The following ERBB4 variants were observed in gnomAD, a reference collection of about 807,000 sequenced individuals.
ERBB4 encodes receptor tyrosine-protein kinase erbB-4.
ERBB4 carries 42 observed loss-of-function variants against 158.0 expected under a neutral mutation model. That is an observed-to-expected ratio of 0.27 (90% CI 0.21 to 0.34). ERBB4 has a LOEUF of 0.34. ERBB4 is among the 10% of genes least tolerant of loss of function. ERBB4 has a pLI of 1.00. For synonymous variants in ERBB4, 583 were observed against 558.7 expected, an observed-to-expected ratio of 1.04 and a Z score of -0.61; for missense variants, 1,333 against 1,624.1, an observed-to-expected ratio of 0.82 and a Z score of 3.08.
intron 14 of ERBB4, among the ~76,000 whole-genome samples, chr2:211,669,238 AG>A (rs368898736): frequency 4.5e-5 from 6 of 133,904 alleles, no homozygotes; most frequent in Non-Finnish European, 6.7e-5. Flanking sequence ...AAAAAAAAAA[AG>A]AAAAAAGAAA....
rs564227050 is a variant in ERBB4, at chr2:211,409,919, C to T, written c.3135+10522G>A. On this transcript the variant is annotated intron_variant, in intron 25 of 27. Transcript: ENST00000342788. ...GGTCCCTTGCAACTCTGACACTCCG[C>T]GAGTACATAGTTACTTATGCATCCA... 7.9e-5 allele frequency among the ~76,000 whole-genome samples: 12 copies of T among 152,254 alleles called. 1 individual carries two copies. The highest frequency in any genetic ancestry group is 1.9e-4 in the African/African-American group (8 of 41,546).
chr2:211,741,452 T>TACACATAC (rs1553622688), intron 5 of ERBB4, among the ~76,000 whole-genome samples: 1 of 143,210 alleles, frequency 7.0e-6, no homozygotes, highest in Non-Finnish European at 1.5e-5. Context: ...TATGTAGTTA[T>TACACATAC]ACACACACAC....
At chr2:212,403,368 CT>C (rs2091262157) in intron 1 of ERBB4, among the ~76,000 whole-genome samples, 1 of 151,990 alleles carries the variant, frequency 6.6e-6, no homozygotes, top group South Asian at 2.1e-4. Context: ...AAAAATAGAA[CT>C]ACATACCAGC....
intron 20 of ERBB4, among the ~76,000 whole-genome samples, chr2:211,473,848 G>T (rs1036314784): frequency 3.9e-5 from 6 of 152,084 alleles, no homozygotes; most frequent in African/African-American, 1.4e-4. Flanking sequence ...GAGTAAGATG[G>T]TATATAAATA....
In ERBB4 at chr2:211,908,763, G is replaced by GAGGCAATTGT. The variant is rs1391823204; in HGVS notation, c.421+38657_421+38666dup. On this transcript the variant is annotated intron_variant, in intron 3 of 27. Coordinates refer to ENST00000342788, the MANE Select transcript of ERBB4 (RefSeq NM_005235.3). Reference sequence around the variant, plus strand: ...CTCACCAATAAGTGATAAAAATGCAGAGGCAATTGTAGTACAAACATGAAG... The same window carrying GAGGCAATTGT: ...CTCACCAATAAGTGATAAAAATGCAGAGGCAATTGTAGGCAATTGTAGTACAAACATGAAG... Among the ~76,000 whole-genome samples, 223 of 151,874 alleles carry GAGGCAATTGT rather than the reference G, an allele frequency of 1.5e-3. 1 individual carries two copies. Among genetic ancestry groups the GAGGCAATTGT allele is most frequent in the African/African-American group, 5.0e-3 (209 of 41,552 alleles).
At chr2:211,440,406 A>T (rs2063947829) in intron 20 of ERBB4, among the ~76,000 whole-genome samples, 1 of 152,202 alleles carries the variant, frequency 6.6e-6, no homozygotes, top group Non-Finnish European at 1.5e-5. Flanking sequence ...GCAACCTATT[A>T]ATACAGCAAC....
In ERBB4 at chr2:212,391,765, TTA is replaced by T. The variant is rs1194436403; in HGVS notation, c.82+146682_82+146683del. On this transcript the variant is annotated intron_variant, in intron 1 of 27. Transcript: ENST00000342788. Reference sequence around the variant, plus strand: ...ATATTATATATAATATTGACATATATTATATATATGTCAATATATTATATTGA... The same window carrying T: ...ATATTATATATAATATTGACATATATTATATATGTCAATATATTATATTGA... 2.1e-5 allele frequency among the ~76,000 whole-genome samples: 3 copies of T among 143,700 alleles called. No homozygotes were observed. In the East Asian group the frequency reaches 5.9e-4, roughly 28 times the overall value. The allele number at this position is 143,700 out of a possible 152,430, so 94.3% of individuals were successfully genotyped here. A position where few individuals can be genotyped will look rare whatever the true frequency, so the allele number is the denominator to read the frequency against.
chr2:211,603,243 A>C (rs1255037938), intron 19 of ERBB4, among the ~76,000 whole-genome samples: 4 of 152,242 alleles, frequency 2.6e-5, no homozygotes, highest in African/African-American at 9.6e-5. Flanking sequence ...TAAATAAATA[A>C]ATAAATAAAG....
chr2:211,567,503 T>C lies in ERBB4; in HGVS notation c.2302-5415A>G, dbSNP rs935057502. 2.6e-5 allele frequency among the ~76,000 whole-genome samples: 4 copies of C among 152,162 alleles called. 1 individual carries two copies. On this transcript the variant is annotated intron_variant, in intron 19 of 27. Coordinates refer to ENST00000342788, the MANE Select transcript of ERBB4 (RefSeq NM_005235.3). The stretch of plus-strand genomic sequence containing the variant: ...TTTACTGAGGGTAGTATTTGATAAA[T>C]GTTATTTATTAAGGTAAAGAGAATG...
chr2:212,264,310 T>C (rs1251114092), intron 1 of ERBB4, among the ~76,000 whole-genome samples: 1 of 152,142 alleles, frequency 6.6e-6, no homozygotes. Context: ...ACCGTGCTGG[T>C]GGAAGGCCAA....
chr2:212,405,582 A>G (rs2091322779), intron 1 of ERBB4, among the ~76,000 whole-genome samples: 1 of 152,122 alleles, frequency 6.6e-6, no homozygotes, highest in African/African-American at 2.4e-5. Flanking sequence ...ACAGTTCTAA[A>G]TAGGACAGCC....
Position 211,683,415 on chromosome 2 carries a change from T to G in ERBB4, c.1490-4231A>C, listed in dbSNP as rs191621881. On this transcript the variant is annotated intron_variant, in intron 12 of 27. Transcript: ENST00000342788. ...ACTATAATTTGGTAATTTTAAAATTTATATAAATGGAATTGTACAGTATGT... is the reference window on the plus strand; with the variant it reads ...ACTATAATTTGGTAATTTTAAAATTGATATAAATGGAATTGTACAGTATGT... 2.6e-5 allele frequency among the ~76,000 whole-genome samples: 4 copies of G among 152,318 alleles called. No homozygotes were observed. In the East Asian group the frequency reaches 7.7e-4, roughly 29 times the overall value.
intron 20 of ERBB4, among the ~76,000 whole-genome samples, chr2:211,473,181 A>G (rs2064872645): frequency 6.6e-6 from 1 of 151,988 alleles, no homozygotes; most frequent in African/African-American, 2.4e-5. Context: ...ACACAAATAG[A>G]GGTAAAGAGG....
At chr2:211,953,832 A>G (rs1489661821) in intron 2 of ERBB4, among the ~76,000 whole-genome samples, 1 of 151,456 alleles carries the variant, frequency 6.6e-6, no homozygotes, top group African/African-American at 2.4e-5. Context: ...AATTTCCCAT[A>G]CCATATTAGC....
intron 1 of ERBB4, among the ~76,000 whole-genome samples, chr2:212,213,906 T>A (rs1559760607): frequency 6.6e-6 from 1 of 151,932 alleles, no homozygotes; most frequent in East Asian, 1.9e-4. Context: ...ATTCAGAGAA[T>A]TCAGATTTCT....
intron 2 of ERBB4, among the ~76,000 whole-genome samples, chr2:212,057,408 C>G (rs2077613563): frequency 1.3e-5 from 2 of 152,286 alleles, no homozygotes; most frequent in South Asian, 4.1e-4. Context: ...AGGAATTGAA[C>G]TCAGCTCTGC....
chr2:212,170,724 G>A (rs1378291706), intron 1 of ERBB4, among the ~76,000 whole-genome samples: 1 of 152,126 alleles, frequency 6.6e-6, no homozygotes, highest in East Asian at 1.9e-4. Context: ...CCGAGCCTTG[G>A]TGACTTCACA....
At chr2:212,039,678 A>C (rs1321151875) in intron 2 of ERBB4, among the ~76,000 whole-genome samples, 1 of 152,028 alleles carries the variant, frequency 6.6e-6, no homozygotes. Flanking sequence ...TGTATTTTTA[A>C]TTTTCAACCA....
intron 22 of ERBB4, among the ~76,000 whole-genome samples, chr2:211,426,515 A>G (rs1248090402): frequency 1.3e-5 from 2 of 152,140 alleles, no homozygotes; most frequent in African/African-American, 4.8e-5. Context: ...AGTACTACCT[A>G]TCTATTTATT....
Sources: gnomAD v4.1 joint callset for allele counts (sites outside exome capture counted in the v4.1 genomes callset) on GRCh38, gnomAD v4.1.1 for gene constraint, MANE v1.5 for transcripts, NCBI Gene and HGNC (gene_info 2026-07-23, HGNC 2026-07-21) for gene names.